The following MIPOL1 variants were observed in gnomAD, a reference collection of about 807,000 sequenced individuals.
MIPOL1 encodes mirror-image polydactyly gene 1 protein.
MIPOL1 carries 57 observed loss-of-function variants against 60.9 expected under a neutral mutation model. The ratio of observed to expected loss-of-function variants is 0.94; its 90% CI spans 0.76 to 1.17. MIPOL1 has a LOEUF of 1.17. MIPOL1 is among the 50% of genes most tolerant of loss of function. The probability of loss-of-function intolerance (pLI) is 0.00; values close to 1 mark genes in which losing one functional copy is unlikely to be tolerated. For synonymous variants in MIPOL1, 179 were observed against 168.8 expected, an observed-to-expected ratio of 1.06 and a Z score of -0.47; for missense variants, 551 against 511.6, an observed-to-expected ratio of 1.08 and a Z score of -0.74.
intron 9 of MIPOL1, among the ~76,000 whole-genome samples, chr14:37,346,075 A>G (rs1301573507): frequency 6.6e-6 from 1 of 152,180 alleles, no homozygotes; most frequent in Non-Finnish European, 1.5e-5. Flanking sequence ...CACGCCTGTA[A>G]TCCCAGCACT....
At chr14:37,276,515 A>G (rs979543659) in intron 6 of MIPOL1, 2 of 151,054 alleles carry the variant, frequency 1.3e-5, no homozygotes, top group African/African-American at 4.8e-5. Context: ...TATTATAGAA[A>G]ATGTTTACAT....
chr14:37,206,129 A>G (rs1188579175), intron 1 of MIPOL1, among the ~76,000 whole-genome samples: 3 of 152,176 alleles, frequency 2.0e-5, no homozygotes, highest in Non-Finnish European at 4.4e-5. Context: ...GGTATGTCAG[A>G]GGTCTTCATG....
intron 11 of MIPOL1, among the ~76,000 whole-genome samples, chr14:37,489,890 C>T (rs1214768631): frequency 3.3e-5 from 5 of 152,138 alleles, no homozygotes; most frequent in Non-Finnish European, 5.9e-5. Flanking sequence ...TCTGTCAGCC[C>T]CTACTTGGAG....
intron 1 of MIPOL1, among the ~76,000 whole-genome samples, chr14:37,233,631 G>C (rs938708977): frequency 2.0e-5 from 3 of 152,116 alleles, no homozygotes; most frequent in Non-Finnish European, 2.9e-5. Flanking sequence ...AAGTCAGAAG[G>C]AGCCAAATCA....
intron 11 of MIPOL1, among the ~76,000 whole-genome samples, chr14:37,441,791 A>G (rs1226632302): frequency 6.6e-6 from 1 of 152,066 alleles, no homozygotes; most frequent in African/African-American, 2.4e-5. Context: ...GTTTTTCCCA[A>G]TTCTATGAAA....
intron 10 of MIPOL1, among the ~76,000 whole-genome samples, chr14:37,417,513 G>T (rs1408727933): frequency 6.6e-6 from 1 of 152,184 alleles, no homozygotes; most frequent in Non-Finnish European, 1.5e-5. Flanking sequence ...TTCCTGTGAA[G>T]TGGAGGTTTA....
intron 11 of MIPOL1, among the ~76,000 whole-genome samples, chr14:37,494,468 T>C (rs962049055): frequency 2.6e-5 from 4 of 152,238 alleles, no homozygotes; most frequent in African/African-American, 9.6e-5. Flanking sequence ...GGAAAGGCAT[T>C]CCAAACAAAT....
chr14:37,357,247 T>A (rs2091909328), intron 9 of MIPOL1, among the ~76,000 whole-genome samples: 2 of 152,204 alleles, frequency 1.3e-5, no homozygotes, highest in Admixed American at 1.3e-4. Context: ...TTTGCAAGTA[T>A]TTTCTCCCAT....
At chr14:37,384,633 TA>T (rs1157764430) in intron 10 of MIPOL1, among the ~76,000 whole-genome samples, 1 of 151,972 alleles carries the variant, frequency 6.6e-6, no homozygotes, top group Non-Finnish European at 1.5e-5. Context: ...CCTCTCAAAA[TA>T]ACCTCCAAGA....
At chr14:37,205,421 A>G (rs1052160876) in intron 1 of MIPOL1, among the ~76,000 whole-genome samples, 1 of 152,028 alleles carries the variant, frequency 6.6e-6, no homozygotes, top group Non-Finnish European at 1.5e-5. Flanking sequence ...GAAATTTTTA[A>G]GCAACAAAGC....
chr14:37,324,678 T>G (rs1258605053), intron 9 of MIPOL1, among the ~76,000 whole-genome samples: 1 of 152,134 alleles, frequency 6.6e-6, no homozygotes, highest in Non-Finnish European at 1.5e-5. Flanking sequence ...CTTTAATGTT[T>G]TAGTTTTCAC....
At chr14:37,209,134 A>G (rs998481803) in intron 1 of MIPOL1, among the ~76,000 whole-genome samples, 1 of 152,026 alleles carries the variant, frequency 6.6e-6, no homozygotes, top group Non-Finnish European at 1.5e-5. Flanking sequence ...TCCAGAGCTG[A>G]TGTTATATTT....
rs138551928 is a variant in MIPOL1 at position 37,515,416 on chromosome 14, A to G, written c.1262+15278A>G. Among the ~76,000 whole-genome samples the G allele has an allele frequency of 4.7e-3, 717 of 152,128 alleles. 5 individuals carry two copies. Among genetic ancestry groups the G allele is most frequent in the African/African-American group, 0.016 (680 of 41,538 alleles). On this transcript the variant is annotated intron_variant, in intron 12 of 12. Transcript: ENST00000684589. ...TGTAAATGATATTTTGGAACCTACT[A>G]AACTAATTTTAATTTTTTTAGTTGC...
intron 10 of MIPOL1, among the ~76,000 whole-genome samples, chr14:37,415,546 G>A (rs1333609052): frequency 2.0e-5 from 3 of 150,756 alleles, no homozygotes; most frequent in Non-Finnish European, 4.4e-5. Context: ...GGAGAATGGC[G>A]TGAACCTGGG....
chr14:37,436,847 T>C (rs1399639551), intron 11 of MIPOL1, among the ~76,000 whole-genome samples: 1 of 152,192 alleles, frequency 6.6e-6, no homozygotes, highest in Non-Finnish European at 1.5e-5. Context: ...TTCAATTATA[T>C]GTGAGGTAGC....
chr14:37,380,105 G>T (rs1388823009), intron 10 of MIPOL1, among the ~76,000 whole-genome samples: 1 of 152,058 alleles, frequency 6.6e-6, no homozygotes, highest in Non-Finnish European at 1.5e-5. Flanking sequence ...CATGAAGTAG[G>T]CCTGGGTCCA....
intron 9 of MIPOL1, among the ~76,000 whole-genome samples, chr14:37,350,200 T>G (rs2091254352): frequency 6.6e-6 from 1 of 152,166 alleles, no homozygotes; most frequent in Non-Finnish European, 1.5e-5. Context: ...GCCTCCGTAA[T>G]GGCTGGGACT....
chr14:37,287,697 A>T (rs1186163696), intron 7 of MIPOL1, among the ~76,000 whole-genome samples: 2 of 152,178 alleles, frequency 1.3e-5, no homozygotes, highest in Non-Finnish European at 2.9e-5. Flanking sequence ...AGCTATATTA[A>T]TTTTCTAAAA....
chr14:37,331,263 T>G (rs897006834), intron 9 of MIPOL1, among the ~76,000 whole-genome samples: 1 of 152,122 alleles, frequency 6.6e-6, no homozygotes, highest in Non-Finnish European at 1.5e-5. Context: ...CCATATCAAT[T>G]TTAGGTTTAT....
Sources: allele counts gnomAD v4.1 joint callset (sites outside exome capture counted in the v4.1 genomes callset), GRCh38; gene constraint gnomAD v4.1.1; transcripts MANE v1.5; gene names NCBI Gene and HGNC (gene_info 2026-07-23, HGNC 2026-07-21).